SYNJ1: variants seen among roughly 807,000 people sequenced by gnomAD.
SYNJ1 encodes synaptojanin 1, also known as polyphosphatidylinositol phosphatase SYNJ1.
A neutral mutation model predicts 168.2 loss-of-function variants in SYNJ1; 78 were observed. That is an observed-to-expected ratio of 0.46 (90% CI 0.39 to 0.56). The LOEUF (loss-of-function observed/expected upper bound fraction) is 0.56, where lower values mean the gene tolerates loss of function less well. SYNJ1 is among the 20% of genes least tolerant of loss of function. The probability of loss-of-function intolerance (pLI) is 0.00; values close to 1 mark genes in which losing one functional copy is unlikely to be tolerated. For missense variants in SYNJ1, 1,303 were observed against 1,597.6 expected, an observed-to-expected ratio of 0.82 and a Z score of 3.14; for synonymous variants, 539 against 548.6, an observed-to-expected ratio of 0.98 and a Z score of 0.24.
chr21:32,667,012 C>T (rs2040961756), intron 15 of SYNJ1, among the ~76,000 whole-genome samples: 1 of 151,712 alleles, frequency 6.6e-6, no homozygotes, highest in Admixed American at 6.6e-5. Context: ...TACTTTAAAT[C>T]ATCTCTAGAT....
chr21:32,683,825 T>C (rs2041722108), intron 10 of SYNJ1, among the ~76,000 whole-genome samples: 1 of 152,060 alleles, frequency 6.6e-6, no homozygotes, highest in African/African-American at 2.4e-5. Flanking sequence ...CAGAAGTAGA[T>C]AGAGAGCTAC....
chr21:32,665,861 C>A, intron 17 of SYNJ1, 82 bp downstream of exon 17: 1 of 1,366,340 alleles, frequency 7.3e-7, no homozygotes, highest in Non-Finnish European at 9.7e-7. Flanking sequence ...TCTTAAATTT[C>A]CAAAAACATT....
intron 21 of SYNJ1, among the ~76,000 whole-genome samples, chr21:32,655,216 A>G (rs1338460352): frequency 6.6e-6 from 1 of 152,206 alleles, no homozygotes; most frequent in Non-Finnish European, 1.5e-5. Flanking sequence ...TTTGTAGCTC[A>G]GTGCAGTATT....
intron 18 of SYNJ1, among the ~76,000 whole-genome samples, chr21:32,660,083 C>T (rs2040627296): frequency 6.6e-6 from 1 of 152,216 alleles, no homozygotes; most frequent in Non-Finnish European, 1.5e-5. Flanking sequence ...TTGACAAACC[C>T]CTTTACACTC....
intron 13 of SYNJ1, among the ~76,000 whole-genome samples, chr21:32,675,171 G>T (rs753959032): frequency 2.0e-5 from 3 of 152,114 alleles, no homozygotes; most frequent in Non-Finnish European, 4.4e-5. Flanking sequence ...CGAACATAGT[G>T]TCTATAATCC....
intron 8 of SYNJ1, among the ~76,000 whole-genome samples, 189 bp downstream of exon 8, chr21:32,686,789 C>G (rs893015470): frequency 6.6e-6 from 1 of 152,174 alleles, no homozygotes; most frequent in Non-Finnish European, 1.5e-5. Context: ...TTTAGAATCC[C>G]AATTTCAGCA....
chr21:32,684,275 A>C (rs2146074099), intron 9 of SYNJ1, among the ~76,000 whole-genome samples, 156 bp from the exon 10 acceptor site: 1 of 152,340 alleles, frequency 6.6e-6, no homozygotes. Context: ...TACTGTGAAC[A>C]TCCATATACC....
At chr21:32,634,332 G>A (rs528812197) in intron 32 of SYNJ1, among the ~76,000 whole-genome samples, 44 of 152,164 alleles carry the variant, frequency 2.9e-4, no homozygotes, top group African/African-American at 1.1e-3. Flanking sequence ...TAAAATTGGT[G>A]CTATTTTTAC....
At chr21:32,715,428 CA>C (rs745324324) in intron 2 of SYNJ1, among the ~76,000 whole-genome samples, 21 of 151,362 alleles carry the variant, frequency 1.4e-4, no homozygotes, top group Admixed American at 2.6e-4. Flanking sequence ...GAGCCAAGAT[CA>C]TGCCACTGCA....
chr21:32,651,015 C>T (rs550575360), intron 22 of SYNJ1, among the ~76,000 whole-genome samples: 104 of 152,188 alleles, frequency 6.8e-4, no homozygotes, highest in Non-Finnish European at 1.3e-3. Flanking sequence ...CTAAGACAAC[C>T]AAGACATTAT....
intron 23 of SYNJ1, among the ~76,000 whole-genome samples, chr21:32,647,010 G>A (rs1045896555): frequency 6.6e-6 from 1 of 152,062 alleles, no homozygotes; most frequent in Non-Finnish European, 1.5e-5. Flanking sequence ...AAGCTCTCAG[G>A]AGCCACACAG....
chr21:32,631,551 A>G lies in SYNJ1; in HGVS notation c.*254T>C. 1 of 1,614,170 alleles carries G rather than the reference A, an allele frequency of 6.2e-7. No individual in the cohort carries two copies. The highest frequency in any genetic ancestry group is 8.5e-7 in the Non-Finnish European group (1 of 1,180,026). Reference sequence around the variant, plus strand: ...AATAAATGGGTTTGGAGAACTTCGCATATTTTCCTGGGATTGACTCCGAGC... The same window carrying G: ...AATAAATGGGTTTGGAGAACTTCGCGTATTTTCCTGGGATTGACTCCGAGC... On this transcript the variant is annotated 3_prime_UTR_variant, in exon 33 of 33. Transcript: ENST00000674351.
intron 22 of SYNJ1, 96 bp from the exon 23 acceptor site, chr21:32,650,442 GAC>G: frequency 1.9e-6 from 2 of 1,043,250 alleles, no homozygotes; most frequent in East Asian, 5.3e-5. Flanking sequence ...CAATGGTATA[GAC>G]AGTTAATTTA....
At position 32,664,893 on chromosome 21, in the gene SYNJ1, T is replaced by C. The variant is rs142813430; in HGVS notation, c.2304+20A>G. On this transcript the variant is annotated intron_variant, in intron 18 of 32. Coordinates refer to ENST00000674351, the MANE Select transcript of SYNJ1 (RefSeq NM_203446.3). ...CGACCCAAAATCTTAATGCAAGTATTTTCTCAAGTATAGATATACCTGTCC... is the reference window on the plus strand; with the variant it reads ...CGACCCAAAATCTTAATGCAAGTATCTTCTCAAGTATAGATATACCTGTCC... 309 of 1,527,132 alleles carry C rather than the reference T, an allele frequency of 2.0e-4. 3 individuals carry two copies. The East Asian group carries it at 3.0e-3, about 15-fold the overall frequency. The allele number at this position is 1,527,132 out of a possible 1,614,324, so 94.6% of individuals were successfully genotyped here.
chr21:32,687,292 CCT>C (rs1231576365), intron 7 of SYNJ1, among the ~76,000 whole-genome samples: 1 of 152,190 alleles, frequency 6.6e-6, no homozygotes, highest in African/African-American at 2.4e-5. Context: ...GACTTCCACC[CCT>C]GTTGGAGCTG....
In SYNJ1 at chr21:32,631,600, T is replaced by C. The variant is rs1184528556; in HGVS notation, c.*205A>G. 6.3e-7 allele frequency: 1 copy of C among 1,599,172 alleles called. No homozygotes were observed. The highest frequency in any genetic ancestry group is 1.7e-5 in the Admixed American group (1 of 58,190). ...GCTGGAATTGGAGGCATTGTTGGCA[T>C]GCAACTTACAGAACTCAAAACATTA... On this transcript the variant is annotated 3_prime_UTR_variant, in exon 33 of 33. Coordinates refer to ENST00000674351, the MANE Select transcript of SYNJ1 (RefSeq NM_203446.3).
intron 10 of SYNJ1, 118 bp downstream of exon 10, chr21:32,683,920 C>G: frequency 1.2e-6 from 1 of 839,334 alleles, no homozygotes; most frequent in Non-Finnish European, 1.8e-6. Context: ...ATTAGAAGTA[C>G]AAAATGAAGC....
At position 32,631,161 on chromosome 21, in the gene SYNJ1, T is replaced by C. The variant is rs1358594027; in HGVS notation, c.*644A>G. ...ATTTGTACCTTTATTCCAGTCATCATTCAATGTCAGGTTGGAGCCAGAAAA... is the reference window on the plus strand; with the variant it reads ...ATTTGTACCTTTATTCCAGTCATCACTCAATGTCAGGTTGGAGCCAGAAAA... On this transcript the variant is annotated 3_prime_UTR_variant, in exon 33 of 33. Coordinates refer to ENST00000674351, the MANE Select transcript of SYNJ1 (RefSeq NM_203446.3). 8 of 1,614,106 alleles carry C rather than the reference T, an allele frequency of 5.0e-6. No individual in the cohort carries two copies. The South Asian group carries it at 7.7e-5, about 16-fold the overall frequency.
Position 32,664,908 on chromosome 21 carries a change from T to C in SYNJ1, c.2304+5A>G. On this transcript the variant is annotated splice_donor_5th_base_variant and intron_variant, in intron 18 of 32. Transcript: ENST00000674351. ...ATGCAAGTATTTTCTCAAGTATAGA[T>C]ATACCTGTCCAGCATTTTTCTGATT... is the stretch of plus-strand genomic sequence containing the variant. 1 of 1,602,646 alleles carries C rather than the reference T, an allele frequency of 6.2e-7. No individual in the cohort carries two copies. The highest frequency in any genetic ancestry group is 8.5e-7 in the Non-Finnish European group (1 of 1,173,284).
Sources: gnomAD v4.1 joint callset for allele counts (sites outside exome capture counted in the v4.1 genomes callset) on GRCh38, gnomAD v4.1.1 for gene constraint, MANE v1.5 for transcripts, NCBI Gene and HGNC (gene_info 2026-07-23, HGNC 2026-07-21) for gene names.